ITPKC: variants seen among roughly 807,000 people sequenced by gnomAD.
ITPKC encodes the protein IP3 3-kinase C.
ITPKC carries 33 observed loss-of-function variants against 67.1 expected under a neutral mutation model. That is an observed-to-expected ratio of 0.49 (90% CI 0.37 to 0.66). ITPKC has a LOEUF of 0.66. Among genes scored for constraint, ITPKC ranks in the 30% least tolerant of loss-of-function variants. The pLI is 0.00. For synonymous variants in ITPKC, 341 were observed against 359.8 expected (o/e 0.95, Z 0.59); for missense variants, 820 against 892.1 (o/e 0.92, Z 1.03).
In ITPKC at chr19:40,739,888, G is replaced by A. The variant is rs1175581553; in HGVS notation, c.*328G>A. The A allele has an allele frequency of 3.1e-5, 11 of 355,950 alleles. No individual in the cohort carries two copies. Among genetic ancestry groups the A allele is most frequent in the East Asian group, 6.4e-5 (1 of 15,574 alleles). The allele number at this position is 355,950 out of a possible 1,614,324, so 22.0% of individuals were successfully genotyped here. On this transcript the variant is annotated 3_prime_UTR_variant, in exon 7 of 7. Transcript: ENST00000263370. ...GAGAGCATTCAGTTCACATGTCACA[G>A]GGTATGGTGTGACAGGGTGCCTGTG... is the stretch of plus-strand genomic sequence containing the variant.
chr19:40,730,352 C>T (rs1048076642), intron 3 of ITPKC, among the ~76,000 whole-genome samples: 1 of 152,176 alleles, frequency 6.6e-6, no homozygotes, highest in Non-Finnish European at 1.5e-5. Flanking sequence ...CACACAGACA[C>T]ACACATAGTC....
chr19:40,732,239 CAAA>C (rs1202395500), intron 3 of ITPKC, among the ~76,000 whole-genome samples: 4 of 46,504 alleles, frequency 8.6e-5, no homozygotes, highest in Non-Finnish European at 1.4e-4. Context: ...GACTCCATCT[CAAA>C]AAAAAAAAAA....
chr19:40,728,578 C>T (rs949903628), intron 2 of ITPKC, among the ~76,000 whole-genome samples: 2 of 152,192 alleles, frequency 1.3e-5, no homozygotes, highest in African/African-American at 4.8e-5. Flanking sequence ...GAGTGACGCT[C>T]TGGACTTAGA....
chr19:40,717,884 A>G lies in ITPKC; in HGVS notation c.749A>G (p.Gln250Arg). Residue 250 changes from glutamine to arginine, a missense_variant, in exon 1 of 7, where the codon CAG becomes CGG. Gln to Arg is a conservative substitution (Grantham distance 43). This residue lies in a region of ITPKC where 481 missense variants were observed against 470.1 expected (regional missense o/e 1.02). Transcript: ENST00000263370. ...PWTEPYTDGS[Q>R]KKQDTEAARK... ...ACAGAGCCATATACTGATGGCTCCC[A>G]GAAAAAACAGGATACTGAAGCAGCC... 1.9e-6 allele frequency: 3 copies of G among 1,614,158 alleles called. No individual in the cohort carries two copies. Among genetic ancestry groups the G allele is most frequent in the Non-Finnish European group, 2.5e-6 (3 of 1,180,012 alleles).
chr19:40,731,286 C>G (rs2082269556), intron 3 of ITPKC, among the ~76,000 whole-genome samples: 1 of 152,146 alleles, frequency 6.6e-6, no homozygotes, highest in African/African-American at 2.4e-5. Context: ...AGGGCGAACC[C>G]TATTGTGAAC....
chr19:40,717,546 G>T lies in ITPKC; in HGVS notation c.411G>T (p.Trp137Cys), dbSNP rs1302797805. Residue 137 changes from tryptophan to cysteine, a missense_variant, in exon 1 of 7, where the codon TGG becomes TGT. Trp to Cys is a radical substitution (Grantham distance 215). This residue lies in a region of ITPKC where 481 missense variants were observed against 470.1 expected (regional missense o/e 1.02). Transcript: ENST00000263370. ...SWSELETTCL[W>C]TETGTDGLWT... ...CAGAGCTGGAGACGACTTGTCTTTG[G>T]ACGGAGACCGGGACAGATGGCCTTT... 1 of 1,614,148 alleles carries T rather than the reference G, an allele frequency of 6.2e-7. No individual in the cohort carries two copies. The highest frequency in any genetic ancestry group is 2.2e-5 in the East Asian group (1 of 44,866).
intron 2 of ITPKC, among the ~76,000 whole-genome samples, chr19:40,727,637 C>T (rs1024955201): frequency 7.9e-5 from 12 of 152,128 alleles, no homozygotes; most frequent in African/African-American, 2.9e-4. Context: ...GGGGCTGCCA[C>T]GTGGCTTTGC....
intron 4 of ITPKC, among the ~76,000 whole-genome samples, chr19:40,733,965 G>A (rs1253100165): frequency 6.6e-6 from 1 of 152,148 alleles, no homozygotes; most frequent in Non-Finnish European, 1.5e-5. Flanking sequence ...AAGGGTAAAT[G>A]TGGAGAAATT....
intron 1 of ITPKC, among the ~76,000 whole-genome samples, chr19:40,719,309 C>T (rs2082209971): frequency 6.6e-6 from 1 of 152,086 alleles, no homozygotes; most frequent in Admixed American, 6.6e-5. Context: ...TTGCTTTTTT[C>T]TCTCTGCCTG....
intron 1 of ITPKC, among the ~76,000 whole-genome samples, chr19:40,719,916 C>G (rs2082213425): frequency 6.6e-6 from 1 of 152,054 alleles, no homozygotes; most frequent in Non-Finnish European, 1.5e-5. Flanking sequence ...TTACTGTACA[C>G]CAGACACTGT....
intron 1 of ITPKC, 113 bp downstream of exon 1, chr19:40,718,403 A>C (rs1246897683): frequency 1.3e-5 from 18 of 1,350,452 alleles, no homozygotes; most frequent in Non-Finnish European, 1.5e-5. Context: ...CAGCAATTTC[A>C]TCTCCGGGAA....
chr19:40,739,811 A>C lies in ITPKC; in HGVS notation c.*251A>C. The C allele has an allele frequency of 1.8e-6, 1 of 541,028 alleles. No homozygotes were observed. Among genetic ancestry groups the C allele is most frequent in the Non-Finnish European group, 3.3e-6 (1 of 302,452 alleles). 33.5% of individuals were successfully genotyped at this position (541,028 alleles called of 1,614,324 possible). A position where few individuals can be genotyped will look rare whatever the true frequency, so the allele number is the denominator to read the frequency against. ...AGGTGATGAGGCAGTGAGTCAGAAA[A>C]ACCAGAACGGGGTCCCCGGATCTGC... On this transcript the variant is annotated 3_prime_UTR_variant, in exon 7 of 7. Coordinates refer to ENST00000263370, the MANE Select transcript of ITPKC (RefSeq NM_025194.3).
At chr19:40,719,275 A>G (rs951863183) in intron 1 of ITPKC, among the ~76,000 whole-genome samples, 2 of 152,050 alleles carry the variant, frequency 1.3e-5, no homozygotes, top group Admixed American at 6.6e-5. Context: ...GCCTGTGTGC[A>G]GGGGCTGACC....
At position 40,718,096 on chromosome 19, in the gene ITPKC, T is replaced by C. The variant is rs1206674288; in HGVS notation, c.961T>C (p.Cys321Arg). The change falls in exon 1 of 7, where the codon TGT becomes CGT. Residue 321 changes from cysteine to arginine, a missense_variant. By Grantham distance (180) the Cys-to-Arg change is radical. Coordinates refer to ENST00000263370, the MANE Select transcript of ITPKC (RefSeq NM_025194.3). ...GACTCACCTGTACTCTCACCTGAAG[T>C]GTAGCCCCCTGTGCCCTGTGCCCCG... ...LLTHLYSHLK[C>R]SPLCPVPRLI... 1 of 1,613,448 alleles carries C rather than the reference T, an allele frequency of 6.2e-7. No individual in the cohort carries two copies. The highest frequency in any genetic ancestry group is 1.3e-5 in the African/African-American group (1 of 74,890).
intron 1 of ITPKC, among the ~76,000 whole-genome samples, chr19:40,719,594 A>G (rs902362058): frequency 1.3e-5 from 2 of 151,110 alleles, no homozygotes; most frequent in Admixed American, 1.3e-4. Context: ...GGTTCAAGTG[A>G]TTGTCCTGCC....
chr19:40,720,241 C>A (rs1035887924), intron 1 of ITPKC, among the ~76,000 whole-genome samples: 1 of 151,950 alleles, frequency 6.6e-6, no homozygotes, highest in Non-Finnish European at 1.5e-5. Flanking sequence ...ATGGCGGGCA[C>A]CTGTAATCCC....
chr19:40,727,220 G>A (rs897486534), intron 2 of ITPKC, among the ~76,000 whole-genome samples: 9 of 152,062 alleles, frequency 5.9e-5, no homozygotes, highest in African/African-American at 2.2e-4. Context: ...TGTAATCCCA[G>A]CTACTCGGGA....
At chr19:40,718,832 A>G (rs1213619091) in intron 1 of ITPKC, among the ~76,000 whole-genome samples, 1 of 152,162 alleles carries the variant, frequency 6.6e-6, no homozygotes, top group African/African-American at 2.4e-5. Flanking sequence ...CAGATTCGCA[A>G]AAGGGCTGTG....
intron 4 of ITPKC, among the ~76,000 whole-genome samples, chr19:40,734,430 A>T (rs1406068741): frequency 6.6e-6 from 1 of 151,624 alleles, no homozygotes; most frequent in Non-Finnish European, 1.5e-5. Context: ...AGATGACCAA[A>T]CTTCCACTCT....
Sources: allele counts gnomAD v4.1 joint callset (sites outside exome capture counted in the v4.1 genomes callset), GRCh38; gene constraint gnomAD v4.1.1; regional missense constraint gnomAD v4.1.1; transcripts MANE v1.5; gene names NCBI Gene and HGNC (gene_info 2026-07-23, HGNC 2026-07-21).